Variants in SRBD1 observed in about 807,000 individuals in gnomAD.
The protein encoded by SRBD1 is S1 RNA binding domain 1, also known as S1 RNA-binding domain-containing protein 1.
In SRBD1, 88 loss-of-function variants were observed where a neutral mutation model predicts 115.3. The observed-to-expected ratio is 0.76, with a 90% CI of 0.64 to 0.91. SRBD1 has a LOEUF of 0.91. Ranked by LOEUF, SRBD1 falls within the 40% of genes least tolerant of loss-of-function variation. The pLI is 0.00. For missense variants in SRBD1, 1,385 were observed against 1,177.4 expected (o/e 1.18, Z -2.58); for synonymous variants, 509 against 407.7 (o/e 1.25, Z -2.99).
At chr2:45,490,312 A>G (rs918888439) in intron 14 of SRBD1, among the ~76,000 whole-genome samples, 1 of 152,160 alleles carries the variant, frequency 6.6e-6, no homozygotes, top group Non-Finnish European at 1.5e-5. Flanking sequence ...TCAGAACTGC[A>G]TGTAAAATGT....
intron 14 of SRBD1, among the ~76,000 whole-genome samples, chr2:45,533,666 T>G (rs1380901265): frequency 6.6e-6 from 1 of 151,988 alleles, no homozygotes; most frequent in African/African-American, 2.4e-5. Context: ...GCAAACAGAT[T>G]AGACAGAGAA....
At chr2:45,511,558 C>T (rs535624588) in intron 14 of SRBD1, among the ~76,000 whole-genome samples, 4 of 152,278 alleles carry the variant, frequency 2.6e-5, no homozygotes, top group Admixed American at 6.5e-5. Flanking sequence ...GAGGCAGGTA[C>T]TTAAGTTGCC....
chr2:45,499,509 C>A (rs1670560629), intron 14 of SRBD1, among the ~76,000 whole-genome samples: 1 of 152,084 alleles, frequency 6.6e-6, no homozygotes, highest in African/African-American at 2.4e-5. Context: ...TTGATGTAAT[C>A]CCATTTGTCT....
chr2:45,409,925 A>T (rs1265588981), intron 19 of SRBD1, among the ~76,000 whole-genome samples: 1 of 152,204 alleles, frequency 6.6e-6, no homozygotes, highest in Non-Finnish European at 1.5e-5. Flanking sequence ...TTAAGACAGC[A>T]ATATGACATT....
rs143427797 is a variant in SRBD1, at chr2:45,420,850, T to G, written c.2050-956A>C. 7.6e-3 allele frequency among the ~76,000 whole-genome samples: 1,160 copies of G among 152,300 alleles called. 17 individuals carry two copies. The highest frequency in any genetic ancestry group is 0.027 in the African/African-American group (1,106 of 41,568). On this transcript the variant is annotated intron_variant, in intron 16 of 20. Transcript: ENST00000263736. The stretch of plus-strand genomic sequence containing the variant: ...TGATGATAGTAGCACTATCTTAATC[T>G]TTTTATTTTATTTTATTCTTATTAT...
chr2:45,463,688 G>A (rs770168026), intron 16 of SRBD1, among the ~76,000 whole-genome samples: 2 of 152,052 alleles, frequency 1.3e-5, no homozygotes, highest in Non-Finnish European at 2.9e-5. Flanking sequence ...TGTGCCAAAT[G>A]GTTATCCACA....
chr2:45,435,689 C>G (rs555435013), intron 16 of SRBD1, among the ~76,000 whole-genome samples: 1 of 152,144 alleles, frequency 6.6e-6, no homozygotes, highest in African/African-American at 2.4e-5. Context: ...TCGTTGAACA[C>G]CCCGGATACT....
chr2:45,541,594 G>A (rs925784873), intron 14 of SRBD1, among the ~76,000 whole-genome samples: 3 of 152,240 alleles, frequency 2.0e-5, no homozygotes, highest in Non-Finnish European at 2.9e-5. Flanking sequence ...TCCGCAGGCA[G>A]GTTGTCCCAA....
rs1219953330 is a variant in SRBD1, at chr2:45,397,925, A to T, written c.2514-4796T>A. ...TTTCAAATGTCTTACCTCCTTGTTA[A>T]ACCAAGATACTGAAATAGGCCAGAA... On this transcript the variant is annotated intron_variant, in intron 19 of 20. Coordinates refer to ENST00000263736, the MANE Select transcript of SRBD1 (RefSeq NM_018079.5). Among the ~76,000 whole-genome samples the T allele has an allele frequency of 3.9e-5, 6 of 152,180 alleles. 1 individual carries two copies. The highest frequency in any genetic ancestry group is 8.8e-5 in the Non-Finnish European group (6 of 68,024).
At chr2:45,499,843 C>T (rs1405269248) in intron 14 of SRBD1, among the ~76,000 whole-genome samples, 1 of 150,736 alleles carries the variant, frequency 6.6e-6, no homozygotes, top group Non-Finnish European at 1.5e-5. Context: ...TCTTCTGTTC[C>T]ATTGGTCTAT....
chr2:45,573,940 A>G (rs891318794), intron 8 of SRBD1, among the ~76,000 whole-genome samples: 23 of 152,214 alleles, frequency 1.5e-4, no homozygotes, highest in Non-Finnish European at 2.4e-4. Context: ...TCAAACAGCT[A>G]GATATGTGGA....
In SRBD1 at chr2:45,433,783, G is replaced by A. The variant is rs1668409201; in HGVS notation, c.2050-13889C>T. Among the ~76,000 whole-genome samples, 3 of 152,154 alleles carry A rather than the reference G, an allele frequency of 2.0e-5. No homozygotes were observed. In the South Asian group the frequency reaches 6.2e-4, roughly 32 times the overall value. ...GCTCCTGATCACAGACAAGTACATA[G>A]AACAAATAATATTGGAAGAAGACTT... On this transcript the variant is annotated intron_variant, in intron 16 of 20. Coordinates refer to ENST00000263736, the MANE Select transcript of SRBD1 (RefSeq NM_018079.5).
At chr2:45,569,205 A>T (rs1230700008) in intron 9 of SRBD1, 2 of 152,222 alleles carry the variant, frequency 1.3e-5, no homozygotes, top group Non-Finnish European at 2.9e-5. Flanking sequence ...TTTAAGAGGC[A>T]GGGTCCCACT....
At chr2:45,469,714 CAT>C (rs1196656242) in intron 16 of SRBD1, among the ~76,000 whole-genome samples, 2 of 152,188 alleles carry the variant, frequency 1.3e-5, no homozygotes, top group Non-Finnish European at 2.9e-5. Context: ...AATTCTAACA[CAT>C]GAGTTGGGTT....
In SRBD1 at chr2:45,435,860, A is replaced by G. The variant is rs1668481144; in HGVS notation, c.2050-15966T>C. On this transcript the variant is annotated intron_variant, in intron 16 of 20. Coordinates refer to ENST00000263736, the MANE Select transcript of SRBD1 (RefSeq NM_018079.5). Reference sequence around the variant, plus strand: ...AAGGAAGAAATTATACCAATTCTCTATAATCTTTTCCAGAAAATAGAAGCG... The same window carrying G: ...AAGGAAGAAATTATACCAATTCTCTGTAATCTTTTCCAGAAAATAGAAGCG... Among the ~76,000 whole-genome samples the G allele has an allele frequency of 3.9e-5, 6 of 152,246 alleles. No individual in the cohort carries two copies. In the South Asian group the frequency reaches 1.2e-3, roughly 31 times the overall value.
chr2:45,411,213 T>G (rs73925646), intron 19 of SRBD1, among the ~76,000 whole-genome samples: 27 of 152,172 alleles, frequency 1.8e-4, no homozygotes, highest in African/African-American at 6.5e-4. Context: ...TGCTGCAGAA[T>G]TGACTGGTTG....
intron 16 of SRBD1, among the ~76,000 whole-genome samples, chr2:45,453,654 T>C (rs1416375690): frequency 6.6e-6 from 1 of 151,932 alleles, no homozygotes; most frequent in Non-Finnish European, 1.5e-5. Flanking sequence ...TCCTTTCTTA[T>C]AAAAATTACA....
chr2:45,495,612 G>A (rs1446621637), intron 14 of SRBD1, among the ~76,000 whole-genome samples: 2 of 151,914 alleles, frequency 1.3e-5, no homozygotes, highest in African/African-American at 4.8e-5. Context: ...TACCACTAAG[G>A]AAACTAAAGA....
Position 45,399,051 on chromosome 2 carries a change from A to G in SRBD1, c.2514-5922T>C, listed in dbSNP as rs1172111437. On this transcript the variant is annotated intron_variant, in intron 19 of 20. Transcript: ENST00000263736. ...CTTCTCACATTTTGAAAAATAACAA[A>G]CCATTACCCTCCCAAAAGAGAACCA... is the stretch of plus-strand genomic sequence containing the variant. Among the ~76,000 whole-genome samples, 10 of 152,030 alleles carry G rather than the reference A, an allele frequency of 6.6e-5. No homozygotes were observed. The East Asian group carries it at 1.9e-3, about 29-fold the overall frequency.
Sources: gnomAD v4.1 joint callset for allele counts (sites outside exome capture counted in the v4.1 genomes callset) on GRCh38, gnomAD v4.1.1 for gene constraint, MANE v1.5 for transcripts, NCBI Gene and HGNC (gene_info 2026-07-23, HGNC 2026-07-21) for gene names.